Variants in ATP2B2 observed in about 807,000 individuals in gnomAD.
ATP2B2 encodes plasma membrane calcium-transporting ATPase 2.
A neutral mutation model predicts 120.0 loss-of-function variants in ATP2B2; 15 were observed. The ratio of observed to expected loss-of-function variants is 0.12; its 90% CI spans 0.08 to 0.19. The LOEUF is 0.19. Among genes scored for constraint, ATP2B2 ranks in the 10% least tolerant of loss-of-function variants. ATP2B2 has a pLI of 1.00. For synonymous variants in ATP2B2, 694 were observed against 700.3 expected, an observed-to-expected ratio of 0.99 and a Z score of 0.14; for missense variants, 1,045 against 1,719.8, an observed-to-expected ratio of 0.61 and a Z score of 6.94.
intron 2 of ATP2B2, among the ~76,000 whole-genome samples, chr3:10,576,285 C>T (rs998838310): frequency 6.6e-6 from 1 of 152,144 alleles, no homozygotes; most frequent in South Asian, 2.1e-4. Flanking sequence ...GCTTCTCCTG[C>T]GGCCTCACTC....
intron 1 of ATP2B2, among the ~76,000 whole-genome samples, chr3:10,643,057 C>T (rs748434285): frequency 2.0e-5 from 3 of 151,722 alleles, no homozygotes; most frequent in East Asian, 2.0e-4. Flanking sequence ...TGCTTAAATA[C>T]GCACTCACAC....
chr3:10,390,405 T>G (rs573869916), intron 5 of ATP2B2, among the ~76,000 whole-genome samples: 2 of 152,262 alleles, frequency 1.3e-5, no homozygotes, highest in South Asian at 4.2e-4. Context: ...ACTTTTTAAG[T>G]GGTATCACCC....
At chr3:10,400,839 G>T in intron 5 of ATP2B2, 114 bp downstream of exon 5, 1 of 1,520,434 alleles carries the variant, frequency 6.6e-7, no homozygotes, top group African/African-American at 1.4e-5. Context: ...GCTGGCTGGA[G>T]ATACCAGAGC....
chr3:10,504,633 G>A (rs538055946), intron 1 of ATP2B2, among the ~76,000 whole-genome samples: 2 of 152,052 alleles, frequency 1.3e-5, no homozygotes, highest in South Asian at 2.1e-4. Flanking sequence ...TACTTGGCTA[G>A]AAAGGGGTTG....
intron 2 of ATP2B2, among the ~76,000 whole-genome samples, chr3:10,537,146 A>G (rs1216802791): frequency 6.6e-6 from 1 of 152,244 alleles, no homozygotes; most frequent in Non-Finnish European, 1.5e-5. Context: ...TCTATATAAT[A>G]AATCTTGAAA....
intron 2 of ATP2B2, among the ~76,000 whole-genome samples, chr3:10,609,537 T>C (rs1419755712): frequency 6.6e-6 from 1 of 152,144 alleles, no homozygotes; most frequent in Non-Finnish European, 1.5e-5. Context: ...GGTTGGATGG[T>C]AAAGCACTTG....
At chr3:10,572,531 A>G (rs1363687985) in intron 2 of ATP2B2, among the ~76,000 whole-genome samples, 1 of 152,250 alleles carries the variant, frequency 6.6e-6, no homozygotes, top group African/African-American at 2.4e-5. Context: ...TTTTAGCACA[A>G]TTAAAAAATA....
intron 1 of ATP2B2, among the ~76,000 whole-genome samples, chr3:10,481,655 G>T (rs537096008): frequency 1.3e-5 from 2 of 152,336 alleles, no homozygotes; most frequent in Admixed American, 1.3e-4. Context: ...CTGGGTTCAA[G>T]TGATTCTCCT....
chr3:10,528,653 C>G (rs1377420314), intron 3 of ATP2B2, among the ~76,000 whole-genome samples: 1 of 151,092 alleles, frequency 6.6e-6, no homozygotes, highest in South Asian at 2.1e-4. Flanking sequence ...AAGGAACACA[C>G]CCCTGAATAT....
upstream of ATP2B2, among the ~76,000 whole-genome samples, chr3:10,506,290 G>A (rs1258224584): frequency 6.6e-6 from 1 of 152,154 alleles, no homozygotes; most frequent in African/African-American, 2.4e-5. Flanking sequence ...TCGGGGGGGT[G>A]TGGTGGTGGG....
upstream of ATP2B2, among the ~76,000 whole-genome samples, chr3:10,505,867 G>C (rs1292202047): frequency 6.6e-6 from 1 of 152,024 alleles, no homozygotes; most frequent in Admixed American, 6.5e-5. Flanking sequence ...GGATCATGAG[G>C]AACCGAAGCT....
chr3:10,355,538 C>A (rs944778737), intron 14 of ATP2B2, among the ~76,000 whole-genome samples: 1 of 152,286 alleles, frequency 6.6e-6, no homozygotes. Context: ...CCTGGGCTGA[C>A]CTCCCATTTC....
rs1574912766 is a variant in ATP2B2 at position 10,327,997 on chromosome 3, A to T, written c.*817T>A. The T allele has an allele frequency of 6.5e-6, 1 of 152,738 alleles. No individual in the cohort carries two copies. Among genetic ancestry groups the T allele is most frequent in the East Asian group, 1.9e-4 (1 of 5,186 alleles). 9.5% of individuals were successfully genotyped at this position (152,738 alleles called of 1,614,324 possible). On this transcript the variant is annotated 3_prime_UTR_variant, in exon 23 of 23. Coordinates refer to ENST00000360273, the MANE Select transcript of ATP2B2 (RefSeq NM_001001331.4). ...AACCATACAAATAGCCAAAGACGTT[A>T]TCTACAGGTTTGTAAACAAATTACA...
At chr3:10,691,874 C>T (rs1427600643) in intron 1 of ATP2B2, among the ~76,000 whole-genome samples, 1 of 152,164 alleles carries the variant, frequency 6.6e-6, no homozygotes, top group Non-Finnish European at 1.5e-5. Context: ...TAAGAAGTCT[C>T]ATATCCAAGG....
intron 1 of ATP2B2, among the ~76,000 whole-genome samples, chr3:10,659,410 C>A (rs1276774436): frequency 6.6e-6 from 1 of 152,150 alleles, no homozygotes; most frequent in East Asian, 1.9e-4. Context: ...ATCTATCAAG[C>A]AAATGGAAAA....
intron 1 of ATP2B2, among the ~76,000 whole-genome samples, chr3:10,687,956 CA>C (rs2071564038): frequency 6.6e-6 from 1 of 152,018 alleles, no homozygotes; most frequent in South Asian, 2.1e-4. Context: ...CAGCCAAAGC[CA>C]ATATTTATTG....
At chr3:10,417,027 G>T (rs2062809419) in intron 2 of ATP2B2, among the ~76,000 whole-genome samples, 1 of 147,430 alleles carries the variant, frequency 6.8e-6, no homozygotes, top group Non-Finnish European at 1.5e-5. Context: ...CCCAGATAGG[G>T]CGGCAGCCAG....
At chr3:10,485,181 A>G (rs2065592367) in intron 1 of ATP2B2, among the ~76,000 whole-genome samples, 1 of 152,224 alleles carries the variant, frequency 6.6e-6, no homozygotes, top group African/African-American at 2.4e-5. Flanking sequence ...GAAGAGTGGC[A>G]CCTGCTTTTT....
At position 10,360,004 on chromosome 3, in the gene ATP2B2, C is replaced by T. The variant is rs762954077; in HGVS notation, c.1779G>A (p.Glu593=). 2 of 1,614,238 alleles carry T rather than the reference C, an allele frequency of 1.2e-6. No homozygotes were observed. The highest frequency in any genetic ancestry group is 1.7e-6 in the Non-Finnish European group (2 of 1,180,028). Residue 593 remains glutamate, a synonymous_variant, in exon 13 of 23, where the codon GAG becomes GAA. Coordinates refer to ENST00000360273, the MANE Select transcript of ATP2B2 (RefSeq NM_001001331.4). ...AGGTGTACACTTTGTACAACTTCTC[C>T]TCTGGCATCTGGCTGCGCACGGGCT... ...DYEPVRSQMP[E]EKLYKVYTFN...
Sources: allele counts gnomAD v4.1 joint callset (sites outside exome capture counted in the v4.1 genomes callset), GRCh38; gene constraint gnomAD v4.1.1; transcripts MANE v1.5; gene names NCBI Gene and HGNC (gene_info 2026-07-23, HGNC 2026-07-21).